The following LRBA variants were observed in gnomAD, a reference collection of about 807,000 sequenced individuals.
LRBA encodes the protein LPS responsive beige-like anchor protein.
LRBA carries 176 observed loss-of-function variants against 330.0 expected under a neutral mutation model. The ratio of observed to expected loss-of-function variants is 0.53; its 90% CI spans 0.47 to 0.60. The LOEUF (loss-of-function observed/expected upper bound fraction) is 0.60. Among genes scored for constraint, LRBA ranks in the 20% least tolerant of loss-of-function variants. LRBA has a pLI of 0.00. For missense variants in LRBA, 3,259 were observed against 3,444.8 expected (o/e 0.95, Z 1.35); for synonymous variants, 1,230 against 1,193.0 (o/e 1.03, Z -0.64).
chr4:150,505,052 A>G (rs1423856820), intron 40 of LRBA, among the ~76,000 whole-genome samples: 3 of 152,258 alleles, frequency 2.0e-5, no homozygotes, highest in African/African-American at 4.8e-5. Flanking sequence ...TGCAACCAAT[A>G]CAGGAGCACC....
At position 150,487,729 on chromosome 4, in the gene LRBA, T is replaced by A; in HGVS notation, c.6551+3A>T. On this transcript the variant is annotated splice_donor_region_variant and intron_variant, in intron 42 of 56. Coordinates refer to ENST00000651943, the MANE Select transcript of LRBA (RefSeq NM_001364905.1). ...TCCCTAAGTTTCTCATATAAAACAG[T>A]ACCTGGTTTGAGGCAATCCAAAACT... The A allele has an allele frequency of 6.3e-7, 1 of 1,575,320 alleles. No homozygotes were observed. Among genetic ancestry groups the A allele is most frequent in the Non-Finnish European group, 8.7e-7 (1 of 1,150,034 alleles).
intron 36 of LRBA, among the ~76,000 whole-genome samples, chr4:150,707,821 G>A (rs978175895): frequency 2.6e-5 from 4 of 151,674 alleles, no homozygotes; most frequent in African/African-American, 9.7e-5. Flanking sequence ...ACAGAGGCAT[G>A]AATATATAAA....
At chr4:150,358,415 A>C (rs1738187499) in intron 47 of LRBA, among the ~76,000 whole-genome samples, 1 of 152,144 alleles carries the variant, frequency 6.6e-6, no homozygotes, top group South Asian at 2.1e-4. Flanking sequence ...AAACAGGCTC[A>C]AAGGTAAACT....
At chr4:150,957,508 G>A (rs928274850) in intron 2 of LRBA, among the ~76,000 whole-genome samples, 1 of 148,098 alleles carries the variant, frequency 6.8e-6, no homozygotes, top group East Asian at 1.9e-4. Context: ...ATTTTGGTGG[G>A]GACACAGCCA....
intron 17 of LRBA, among the ~76,000 whole-genome samples, chr4:150,873,357 AAGGC>A (rs944347831): frequency 2.3e-4 from 35 of 152,258 alleles, no homozygotes; most frequent in African/African-American, 8.2e-4. Context: ...TTGGGAGGCC[AAGGC>A]AGGCAGATCA....
intron 42 of LRBA, among the ~76,000 whole-genome samples, chr4:150,474,650 T>A (rs895109976): frequency 6.6e-6 from 1 of 152,176 alleles, no homozygotes; most frequent in Non-Finnish European, 1.5e-5. Flanking sequence ...TTAAGGTCTA[T>A]TTTTAATTTC....
intron 37 of LRBA, among the ~76,000 whole-genome samples, chr4:150,647,361 T>TTC (rs1554072198): frequency 7.4e-6 from 1 of 135,900 alleles, no homozygotes; most frequent in East Asian, 2.1e-4. Flanking sequence ...TCTTTTTTTT[T>TTC]TTTTTTTTTT....
At chr4:150,409,514 A>G (rs1286365215) in intron 47 of LRBA, among the ~76,000 whole-genome samples, 1 of 152,010 alleles carries the variant, frequency 6.6e-6, no homozygotes, top group African/African-American at 2.4e-5. Flanking sequence ...CTTTTCCTGT[A>G]CTACTTCTCC....
intron 22 of LRBA, among the ~76,000 whole-genome samples, chr4:150,853,381 C>T (rs1360135805): frequency 1.3e-5 from 2 of 152,160 alleles, no homozygotes; most frequent in African/African-American, 2.4e-5. Context: ...ATTAATTATG[C>T]TCACCATTAC....
intron 37 of LRBA, among the ~76,000 whole-genome samples, chr4:150,672,689 G>C (rs1322662031): frequency 2.0e-5 from 3 of 151,986 alleles, no homozygotes; most frequent in African/African-American, 7.2e-5. Context: ...TATAGGACTG[G>C]TTTAGCATGA....
intron 36 of LRBA, among the ~76,000 whole-genome samples, chr4:150,729,759 A>G (rs1252987538): frequency 2.6e-5 from 4 of 152,238 alleles, no homozygotes; most frequent in Non-Finnish European, 5.9e-5. Context: ...ACTGAGTTAT[A>G]GTAACCAAAA....
At chr4:150,303,399 T>C (rs1474215583) in intron 52 of LRBA, among the ~76,000 whole-genome samples, 1 of 152,162 alleles carries the variant, frequency 6.6e-6, no homozygotes, top group Non-Finnish European at 1.5e-5. Flanking sequence ...GGTGATTCTT[T>C]GTCTTAATTT....
Position 150,700,996 on chromosome 4 carries a change from G to C in LRBA, c.5755-17279C>G, listed in dbSNP as rs141123082. Among the ~76,000 whole-genome samples the C allele has an allele frequency of 4.2e-3, 644 of 152,244 alleles. 4 individuals carry two copies. The highest frequency in any genetic ancestry group is 0.015 in the African/African-American group (623 of 41,546). ...GCTGGTCTCAAACTCCTGGACTCAA[G>C]CAATCCTCCCACCTTGACCAAAGTG... is the stretch of plus-strand genomic sequence containing the variant. On this transcript the variant is annotated intron_variant, in intron 36 of 56. Transcript: ENST00000651943.
chr4:150,428,437 G>A (rs1749928513), intron 46 of LRBA, among the ~76,000 whole-genome samples: 1 of 151,958 alleles, frequency 6.6e-6, no homozygotes, highest in South Asian at 2.1e-4. Flanking sequence ...GTTCTCTTGT[G>A]GACATAAAAT....
intron 40 of LRBA, among the ~76,000 whole-genome samples, chr4:150,538,979 C>CT (rs534934244): frequency 0.022 from 3,170 of 146,668 alleles, 57 homozygotes; most frequent in Middle Eastern, 0.039. Flanking sequence ...AAACCTTTAA[C>CT]TTTTTTTTTT....
chr4:150,693,414 A>C (rs1362815737), intron 36 of LRBA, among the ~76,000 whole-genome samples: 1 of 151,066 alleles, frequency 6.6e-6, no homozygotes, highest in Non-Finnish European at 1.5e-5. Context: ...ATACAAAAAA[A>C]TTAGCCGGGC....
At chr4:150,845,311 C>G (rs370099575) in intron 26 of LRBA, among the ~76,000 whole-genome samples, 1 of 152,054 alleles carries the variant, frequency 6.6e-6, no homozygotes, top group Non-Finnish European at 1.5e-5. Context: ...GAGGATATAG[C>G]TTTTGAAAGA....
At chr4:150,579,962 C>A in intron 40 of LRBA, 1 of 328,090 alleles carries the variant, frequency 3.0e-6, no homozygotes, top group Non-Finnish European at 6.1e-6. Context: ...GAGAAGCAAC[C>A]ACGGAGCCCC....
At chr4:150,377,140 G>GAA (rs532735624) in intron 47 of LRBA, among the ~76,000 whole-genome samples, 28,937 of 120,578 alleles carry the variant, frequency 0.24, 3,639 homozygotes, top group Non-Finnish European at 0.33. Flanking sequence ...AAAAATAATG[G>GAA]AAAAAAAAAA....
Sources: allele counts gnomAD v4.1 joint callset (sites outside exome capture counted in the v4.1 genomes callset), GRCh38; gene constraint gnomAD v4.1.1; transcripts MANE v1.5; gene names NCBI Gene and HGNC (gene_info 2026-07-23, HGNC 2026-07-21).